Variants in KLRG1 observed in about 807,000 individuals in gnomAD.
The protein encoded by KLRG1 is killer cell lectin-like receptor subfamily G member 1.
KLRG1 carries 16 observed loss-of-function variants against 21.8 expected under a neutral mutation model. The observed-to-expected ratio is 0.73, with a 90% CI of 0.50 to 1.11. The LOEUF (loss-of-function observed/expected upper bound fraction) is 1.11. KLRG1 is among the 50% of genes most tolerant of loss of function. KLRG1 has a pLI of 0.00. For synonymous variants in KLRG1, 69 were observed against 75.9 expected, an observed-to-expected ratio of 0.91 and a Z score of 0.47; for missense variants, 173 against 218.3, an observed-to-expected ratio of 0.79 and a Z score of 1.31.
rs745854142 is a variant in KLRG1, at chr12:8,965,234, T to C, written c.-156+14998T>C. On this transcript the variant is annotated intron_variant, in intron 1 of 4. Transcript: ENST00000539240. ...GACAAACCCACAGCTGATATCATAC[T>C]GAATGGGCAAAAACTGGAAGCATTC... is the stretch of plus-strand genomic sequence containing the variant. Among the ~76,000 whole-genome samples, 27 of 152,338 alleles carry C rather than the reference T, an allele frequency of 1.8e-4. No homozygotes were observed. The East Asian group carries it at 5.2e-3, about 29-fold the overall frequency.
chr12:9,159,502 T>C, the KLRG1 span, among the ~76,000 whole-genome samples: 1 of 151,882 alleles, frequency 6.6e-6, no homozygotes, highest in South Asian at 2.1e-4. Flanking sequence ...CTTTAAGAGG[T>C]GATTGGCTCA....
At chr12:9,165,953 T>C in the KLRG1 span, 2 of 1,414,592 alleles carry the variant, frequency 1.4e-6, no homozygotes, top group Non-Finnish European at 9.6e-7. Context: ...GTTAAGATAA[T>C]TATTCAGAAC....
chr12:9,149,568 G>A, the KLRG1 span: 3 of 1,612,840 alleles, frequency 1.9e-6, no homozygotes, highest in South Asian at 3.3e-5. Flanking sequence ...TACCTGTGCT[G>A]CAGGGGGCGA....
chr12:9,116,236 C>T, the KLRG1 span: 2 of 282,708 alleles, frequency 7.1e-6, no homozygotes, highest in African/African-American at 4.4e-5. Flanking sequence ...GTATGAATAG[C>T]TGGCAAGGAA....
chr12:9,030,316 T>G, the KLRG1 span, among the ~76,000 whole-genome samples: 1 of 152,220 alleles, frequency 6.6e-6, no homozygotes, highest in African/African-American at 2.4e-5. Context: ...ATATAAAGTT[T>G]ATCACTTTAA....
At chr12:9,004,165 C>T (rs1360353238) in intron 3 of KLRG1, among the ~76,000 whole-genome samples, 4 of 152,130 alleles carry the variant, frequency 2.6e-5, no homozygotes, top group African/African-American at 9.7e-5. Context: ...AATAAACACA[C>T]GTGTGCATGT....
chr12:9,135,104 C>T, the KLRG1 span: 12 of 212,418 alleles, frequency 5.6e-5, no homozygotes, highest in African/African-American at 2.5e-4. Flanking sequence ...CCAGGGTAGG[C>T]GAGATGGCCG....
At chr12:8,997,729 CAG>C (rs1947176935) in intron 3 of KLRG1, among the ~76,000 whole-genome samples, 1 of 152,168 alleles carries the variant, frequency 6.6e-6, no homozygotes, top group African/African-American at 2.4e-5. Flanking sequence ...ACAATAATAA[CAG>C]AGGCTACCAT....
chr12:9,080,290 A>G, the KLRG1 span: 3 of 578,136 alleles, frequency 5.2e-6, no homozygotes, highest in East Asian at 9.4e-5. Flanking sequence ...TCCTCCTGAA[A>G]AGTTGTCCGC....
At chr12:9,182,132 G>GAGTGAGACAAAATGGCCATA in the KLRG1 span, 2 of 1,554,330 alleles carry the variant, frequency 1.3e-6, no homozygotes, top group Non-Finnish European at 1.7e-6. Context: ...AACATGGAGA[G>GAGTGAGACAAAATGGCCATA]AGTGAGACAA....
chr12:9,110,244 C>T, the KLRG1 span: 1 of 1,297,020 alleles, frequency 7.7e-7, no homozygotes, highest in East Asian at 2.5e-5. Context: ...TTGTAAAAAC[C>T]TCTGAAATAA....
chr12:9,068,955 C>T, the KLRG1 span: 77 of 628,446 alleles, frequency 1.2e-4, no homozygotes, highest in Non-Finnish European at 1.9e-4. Flanking sequence ...CTACAGCACA[C>T]TATAGGGTCC....
the KLRG1 span, among the ~76,000 whole-genome samples, chr12:9,045,930 AG>A: frequency 6.6e-6 from 1 of 152,212 alleles, no homozygotes; most frequent in Non-Finnish European, 1.5e-5. Flanking sequence ...AAACTAACAC[AG>A]GAACACAAAA....
At chr12:9,165,306 C>T in the KLRG1 span, 11 of 1,614,040 alleles carry the variant, frequency 6.8e-6, no homozygotes, top group African/African-American at 5.3e-5. Flanking sequence ...CAGAAGGCCC[C>T]TGCCTTCCAC....
chr12:9,104,378 C>T, the KLRG1 span: 1 of 1,594,708 alleles, frequency 6.3e-7, no homozygotes, highest in Non-Finnish European at 8.6e-7. Context: ...TATAGGGACG[C>T]CTTTCCCATC....
At chr12:9,192,583 T>A in the KLRG1 span, 1 of 1,614,182 alleles carries the variant, frequency 6.2e-7, no homozygotes, top group Admixed American at 1.7e-5. Context: ...GCCGTGATAG[T>A]CTCCGTGTGG....
the KLRG1 span, among the ~76,000 whole-genome samples, chr12:9,185,499 T>C: frequency 6.6e-4 from 100 of 152,292 alleles, no homozygotes; most frequent in Admixed American, 1.5e-3. Context: ...TGAAAGCAAC[T>C]TGGAAAACAT....
chr12:9,158,564 A>C, the KLRG1 span: 1 of 1,614,112 alleles, frequency 6.2e-7, no homozygotes, highest in Non-Finnish European at 8.5e-7. Context: ...TCTTCAGTAC[A>C]AAAGCTGTGA....
chr12:9,173,683 G>A, the KLRG1 span, among the ~76,000 whole-genome samples: 290 of 152,204 alleles, frequency 1.9e-3, 1 homozygote, highest in Non-Finnish European at 3.5e-3. Context: ...ACAACCATCC[G>A]CAAATACTAT....
Sources: gnomAD v4.1 joint callset for allele counts (sites outside exome capture counted in the v4.1 genomes callset) on GRCh38, gnomAD v4.1.1 for gene constraint, MANE v1.5 for transcripts, NCBI Gene and HGNC (gene_info 2026-07-23, HGNC 2026-07-21) for gene names.